TECR: variants seen among roughly 807,000 people sequenced by gnomAD.
The protein encoded by TECR is trans-2,3-enoyl-CoA reductase.
TECR carries 19 observed loss-of-function variants against 50.6 expected under a neutral mutation model. The ratio of observed to expected loss-of-function variants is 0.38; its 90% CI spans 0.26 to 0.55. The LOEUF is 0.55. Ranked by LOEUF, TECR falls within the 20% of genes least tolerant of loss-of-function variation. The pLI is 0.79. For synonymous variants in TECR, 168 were observed against 163.5 expected, an observed-to-expected ratio of 1.03 and a Z score of -0.21; for missense variants, 313 against 408.3, an observed-to-expected ratio of 0.77 and a Z score of 2.01.
chr19:14,549,071 TAAAAC>T (rs1425106636), intron 1 of TECR, among the ~76,000 whole-genome samples: 5 of 152,078 alleles, frequency 3.3e-5, no homozygotes, highest in African/African-American at 4.8e-5. Flanking sequence ...TTTTAAAAGA[TAAAAC>T]AAAAGTTAAA....
intron 1 of TECR, chr19:14,562,053 G>C (rs974441691): frequency 9.7e-5 from 34 of 350,736 alleles, no homozygotes; most frequent in Non-Finnish European, 1.7e-4. Flanking sequence ...GTTTTGAGGT[G>C]ACCACTCAAA....
At chr19:14,546,981 C>T (rs1444834826) in intron 1 of TECR, among the ~76,000 whole-genome samples, 1 of 152,188 alleles carries the variant, frequency 6.6e-6, no homozygotes, top group Non-Finnish European at 1.5e-5. Context: ...AGGCATGAGC[C>T]ACTGCACCCA....
At chr19:14,549,048 A>G (rs917222681) in intron 1 of TECR, among the ~76,000 whole-genome samples, 1 of 151,996 alleles carries the variant, frequency 6.6e-6, no homozygotes, top group Non-Finnish European at 1.5e-5. Flanking sequence ...AAAAGGTAAA[A>G]ACGTCATGTA....
At chr19:14,559,245 G>A (rs950295126) in intron 1 of TECR, among the ~76,000 whole-genome samples, 2 of 152,076 alleles carry the variant, frequency 1.3e-5, no homozygotes, top group African/African-American at 4.8e-5. Flanking sequence ...TTGAGTGCAC[G>A]TGCATCATTG....
intron 1 of TECR, among the ~76,000 whole-genome samples, chr19:14,540,063 A>AT (rs577605678): frequency 0.38 from 43,996 of 116,370 alleles, 7,657 homozygotes; most frequent in Middle Eastern, 0.5. Context: ...AATTTATTTA[A>AT]TTTTTTTTTT....
chr19:14,556,902 CTG>C (rs1420626697), intron 1 of TECR, among the ~76,000 whole-genome samples: 1 of 152,170 alleles, frequency 6.6e-6, no homozygotes, highest in African/African-American at 2.4e-5. Flanking sequence ...AGCTCGGCCT[CTG>C]CACCGAAAGT....
chr19:14,531,095 C>G (rs1236557283), intron 1 of TECR: 1 of 152,098 alleles, frequency 6.6e-6, no homozygotes, highest in Non-Finnish European at 1.5e-5. Context: ...AGTGCAATGG[C>G]GCGATCTCGG....
intron 1 of TECR, chr19:14,532,148 G>A (rs910507647): frequency 2.0e-5 from 3 of 152,170 alleles, no homozygotes; most frequent in African/African-American, 7.2e-5. Context: ...GAGCACCCTG[G>A]GGGTGCGTGC....
At chr19:14,565,562 A>C in intron 11 of TECR, 56 bp from the exon 12 acceptor site, 1 of 1,578,718 alleles carries the variant, frequency 6.3e-7, no homozygotes, top group Non-Finnish European at 8.6e-7. Flanking sequence ...AGTCCAGGAC[A>C]GCCACATACA....
At chr19:14,548,966 A>G (rs1322447569) in intron 1 of TECR, among the ~76,000 whole-genome samples, 2 of 152,264 alleles carry the variant, frequency 1.3e-5, no homozygotes, top group Admixed American at 1.3e-4. Context: ...CTATTTATGG[A>G]CACCAAAATT....
chr19:14,541,000 ATTT>A (rs2073078730), intron 1 of TECR, among the ~76,000 whole-genome samples: 1 of 151,752 alleles, frequency 6.6e-6, no homozygotes. Context: ...TAATTTTGGT[ATTT>A]TTAGTAGAGA....
chr19:14,529,633 C>T lies in TECR; in HGVS notation c.-64C>T, dbSNP rs781549405. 6 of 1,612,904 alleles carry T rather than the reference C, an allele frequency of 3.7e-6. No homozygotes were observed. The highest frequency in any genetic ancestry group is 5.1e-6 in the Non-Finnish European group (6 of 1,179,336). ...TGCGGTTGCGAGCGCTGTAGGGAGC[C>T]TGTGCTGTGCCGCGCAGTTAGGCAG... On this transcript the variant is annotated 5_prime_UTR_variant, in exon 1 of 13. Coordinates refer to ENST00000215567, the MANE Select transcript of TECR (RefSeq NM_138501.6).
At chr19:14,562,381 C>A in intron 1 of TECR, 144 bp from the exon 2 acceptor site, 1 of 828,178 alleles carries the variant, frequency 1.2e-6, no homozygotes, top group South Asian at 1.4e-5. Flanking sequence ...AGTGGCAGGG[C>A]TGGTGGCAGG....
chr19:14,554,017 G>A (rs936377658), intron 1 of TECR, among the ~76,000 whole-genome samples: 5 of 152,170 alleles, frequency 3.3e-5, no homozygotes, highest in Admixed American at 6.5e-5. Flanking sequence ...AGAGCCTGCC[G>A]GAGCTTTGAG....
chr19:14,546,642 A>G (rs1352766064), intron 1 of TECR, among the ~76,000 whole-genome samples: 2 of 152,052 alleles, frequency 1.3e-5, no homozygotes, highest in Non-Finnish European at 2.9e-5. Flanking sequence ...TTTTCTTTCT[A>G]TGCTTAGAAC....
intron 1 of TECR, among the ~76,000 whole-genome samples, chr19:14,560,006 G>T (rs114494378): frequency 6.6e-6 from 1 of 152,008 alleles, no homozygotes; most frequent in Non-Finnish European, 1.5e-5. Context: ...GGGCCCCTAG[G>T]TGCTGCCTTG....
chr19:14,565,385 T>C, intron 11 of TECR, 95 bp downstream of exon 11: 1 of 1,500,856 alleles, frequency 6.7e-7, no homozygotes, highest in Non-Finnish European at 9.2e-7. Flanking sequence ...GGCAGCTGCT[T>C]TTGCCGCCTG....
intron 1 of TECR, among the ~76,000 whole-genome samples, chr19:14,554,722 C>T (rs1303799624): frequency 6.6e-6 from 1 of 152,114 alleles, no homozygotes; most frequent in East Asian, 1.9e-4. Flanking sequence ...ACTCCACTCT[C>T]AGGCCACACC....
At chr19:14,546,740 C>G (rs545527339) in intron 1 of TECR, among the ~76,000 whole-genome samples, 1 of 151,874 alleles carries the variant, frequency 6.6e-6, no homozygotes, top group Non-Finnish European at 1.5e-5. Context: ...GCTGGAGTGC[C>G]GTGTCGCGAT....
Sources: allele counts gnomAD v4.1 joint callset (sites outside exome capture counted in the v4.1 genomes callset), GRCh38; gene constraint gnomAD v4.1.1; transcripts MANE v1.5; gene names NCBI Gene and HGNC (gene_info 2026-07-23, HGNC 2026-07-21).